Variants in CR1 observed in about 807,000 individuals in gnomAD.
CR1 encodes the protein complement C3b/C4b receptor 1 (Knops blood group).
CR1 carries 116 observed loss-of-function variants against 187.3 expected under a neutral mutation model. The ratio of observed to expected loss-of-function variants is 0.62; its 90% CI spans 0.53 to 0.72. CR1 has a LOEUF of 0.72. Among genes scored for constraint, CR1 ranks in the 30% least tolerant of loss-of-function variants. The probability of loss-of-function intolerance (pLI) is 0.00; values close to 1 mark genes in which losing one functional copy is unlikely to be tolerated. For missense variants in CR1, 1,731 were observed against 2,110.7 expected, an observed-to-expected ratio of 0.82 and a Z score of 3.52; for synonymous variants, 576 against 747.1, an observed-to-expected ratio of 0.77 and a Z score of 3.73.
rs1283818647 is a variant in CR1 at position 207,580,345 on chromosome 1, A to G, written c.5042A>G (p.Asp1681Gly). The change falls in exon 30 of 47, where the codon GAC becomes GGC. Residue 1681 changes from aspartate to glycine, a missense_variant. Transcript: ENST00000367049. ...TTCTACAGCTGTGAGCCTGGCTATGACCTCAGAGGGGCTGCGTCTCTGCAC... is the reference window on the plus strand; with the variant it reads ...TTCTACAGCTGTGAGCCTGGCTATGGCCTCAGAGGGGCTGCGTCTCTGCAC... The part of the protein sequence containing the change: ...EVFYSCEPGY[D>G]LRGAASLHCT... 6.2e-7 allele frequency: 1 copy of G among 1,613,840 alleles called. No homozygotes were observed. Among genetic ancestry groups the G allele is most frequent in the African/African-American group, 1.3e-5 (1 of 74,992 alleles).
At chr1:207,575,871 CTTA>C (rs754659166) in intron 28 of CR1, among the ~76,000 whole-genome samples, 191 bp downstream of exon 28, 10 of 150,392 alleles carry the variant, frequency 6.6e-5, no homozygotes, top group Admixed American at 1.3e-4. Flanking sequence ...TTTTTTTTTT[CTTA>C]TCTCAGTCTA....
intron 46 of CR1, among the ~76,000 whole-genome samples, chr1:207,631,317 T>G (rs1477574110): frequency 6.6e-6 from 1 of 152,158 alleles, no homozygotes; most frequent in African/African-American, 2.4e-5. Context: ...GTGAGCCAAA[T>G]CCAGCTGGCC....
intron 34 of CR1, among the ~76,000 whole-genome samples, chr1:207,587,851 C>T (rs11118131): frequency 0.2 from 30,696 of 152,254 alleles, 3,353 homozygotes; most frequent in South Asian, 0.44. Context: ...TGGTCTTGTA[C>T]ATCACCCCTT....
rs751978101 is a variant in CR1 at position 207,609,585 on chromosome 1, C to A, written c.6192C>A (p.Ile2064=). The A allele has an allele frequency of 2.5e-5, 40 of 1,613,292 alleles. No homozygotes were observed. In the Admixed American group the frequency reaches 3.3e-4, roughly 13 times the overall value. The change falls in exon 37 of 47, where the codon ATC becomes ATA. Residue 2064 remains isoleucine, a synonymous_variant. Transcript: ENST00000367049. ...GNRSFFTLTE[I]IRFRCQPGFV... ...GGAGTTTCTTTACCCTCACTGAGATCATCAGATTTAGATGTCAGCCCGGGT... is the reference window on the plus strand; with the variant it reads ...GGAGTTTCTTTACCCTCACTGAGATAATCAGATTTAGATGTCAGCCCGGGT...
intron 27 of CR1, among the ~76,000 whole-genome samples, chr1:207,573,601 C>T (rs1660644429): frequency 6.6e-6 from 1 of 151,804 alleles, no homozygotes. Flanking sequence ...ACCAGGGAAA[C>T]TTTCAGAACA....
At chr1:207,507,824 T>C (rs1659490946) in intron 3 of CR1, among the ~76,000 whole-genome samples, 2 of 151,922 alleles carry the variant, frequency 1.3e-5, no homozygotes, top group African/African-American at 4.8e-5. Flanking sequence ...AAAAAAGAAA[T>C]CTGCACACAG....
At chr1:207,578,908 G>A (rs535928217) in intron 29 of CR1, among the ~76,000 whole-genome samples, 63 of 152,276 alleles carry the variant, frequency 4.1e-4, no homozygotes, top group Non-Finnish European at 7.8e-4. Flanking sequence ...CCACTCTGTT[G>A]CCCAGGCTGA....
intron 4 of CR1, among the ~76,000 whole-genome samples, chr1:207,512,637 G>A (rs1030238311): frequency 7.2e-5 from 11 of 152,132 alleles, no homozygotes; most frequent in Non-Finnish European, 1.2e-4. Context: ...CAGAATCTAA[G>A]TTTACAAATG....
At position 207,612,043 on chromosome 1, in the gene CR1, T is replaced by A. The variant is rs776481474; in HGVS notation, c.6575+2T>A. ...GGTGTCCTTTGTTTGCGATGAAGGGTGAGTGTGACCCAGCGTTGAGACCAA... is the reference window on the plus strand; with the variant it reads ...GGTGTCCTTTGTTTGCGATGAAGGGAGAGTGTGACCCAGCGTTGAGACCAA... On this transcript the variant is annotated splice_donor_variant, in intron 39 of 46. Transcript: ENST00000367049. LOFTEE classifies it high-confidence loss of function. 2 of 1,613,766 alleles carry A rather than the reference T, an allele frequency of 1.2e-6. No homozygotes were observed. The highest frequency in any genetic ancestry group is 1.7e-6 in the Non-Finnish European group (2 of 1,179,656).
chr1:207,512,041 C>T (rs934017762), intron 4 of CR1, among the ~76,000 whole-genome samples: 14 of 150,392 alleles, frequency 9.3e-5, no homozygotes, highest in South Asian at 4.2e-4. Flanking sequence ...TCATGTACCA[C>T]GAGATCAACA....
At chr1:207,638,256 C>T (rs1662876189) in intron 46 of CR1, among the ~76,000 whole-genome samples, 1 of 152,162 alleles carries the variant, frequency 6.6e-6, no homozygotes, top group Admixed American at 6.5e-5. Context: ...ACTACAGTAT[C>T]CTGGTCCATT....
chr1:207,574,285 G>C (rs1393187665), intron 27 of CR1, among the ~76,000 whole-genome samples: 1 of 152,162 alleles, frequency 6.6e-6, no homozygotes, highest in African/African-American at 2.4e-5. Flanking sequence ...TCTGATTCCA[G>C]AAATAAAATG....
chr1:207,624,885 A>T (rs888619465), intron 45 of CR1, among the ~76,000 whole-genome samples: 3 of 152,166 alleles, frequency 2.0e-5, no homozygotes, highest in Admixed American at 6.5e-5. Flanking sequence ...CTGTATCTAT[A>T]TCAGTCTCTA....
chr1:207,597,081 C>A (rs992658126), intron 35 of CR1, among the ~76,000 whole-genome samples: 3 of 146,646 alleles, frequency 2.0e-5, no homozygotes, highest in East Asian at 2.0e-4. Context: ...ACATGATATA[C>A]AATATTTAAA....
intron 31 of CR1, 101 bp from the exon 32 acceptor site, chr1:207,581,817 T>C (rs1660964189): frequency 2.6e-6 from 2 of 780,204 alleles, no homozygotes. Flanking sequence ...AGCAGTAAAA[T>C]GTTAATTAAC....
rs565054506 is a variant in CR1, at chr1:207,526,056, G to A, written c.887-697G>A. On this transcript the variant is annotated intron_variant, in intron 5 of 46. Coordinates refer to ENST00000367049, the MANE Select transcript of CR1 (RefSeq NM_000651.6). ...AATCAACTATATTAAGAGAGAGCCA[G>A]CGCTGCCCTTACAATATGTTGCGTA... 2.6e-5 allele frequency among the ~76,000 whole-genome samples: 4 copies of A among 152,224 alleles called. 1 individual carries two copies. In the South Asian group the frequency reaches 8.3e-4, roughly 32 times the overall value.
Position 207,616,638 on chromosome 1 carries a change from A to G in CR1, c.6725A>G (p.Asp2242Gly), listed in dbSNP as rs765817364. The G allele has an allele frequency of 5.6e-6, 9 of 1,613,790 alleles. No individual in the cohort carries two copies. Among genetic ancestry groups the G allele is most frequent in the Non-Finnish European group, 7.6e-6 (9 of 1,179,728 alleles). ...NGRHTGTPFG[D>G]IPYGKEISYA... Reference sequence around the variant, plus strand: ...AGACACACAGGAACTCCCTTTGGAGATATTCCCTATGGAAAAGAAATATCT... The same window carrying G: ...AGACACACAGGAACTCCCTTTGGAGGTATTCCCTATGGAAAAGAAATATCT... Residue 2242 changes from aspartate to glycine, a missense_variant, in exon 41 of 47, where the codon GAT (aspartate) becomes GGT (glycine). By Grantham distance (94) the Asp-to-Gly change is moderately conservative. Transcript: ENST00000367049.
Position 207,588,669 on chromosome 1 carries a change from C to T in CR1, c.5711-6C>T, listed in dbSNP as rs1239424162. 1.9e-6 allele frequency: 3 copies of T among 1,602,708 alleles called. No individual in the cohort carries two copies. Among genetic ancestry groups the T allele is most frequent in the South Asian group, 1.1e-5 (1 of 90,412 alleles). ...ATTTAATCCCAAATTCTGCTTCTTC[C>T]CCTAGGAAAATCATGTGGACCTCCA... On this transcript the variant is annotated splice_region_variant and splice_polypyrimidine_tract_variant and intron_variant, in intron 34 of 46. Coordinates refer to ENST00000367049, the MANE Select transcript of CR1 (RefSeq NM_000651.6).
chr1:207,524,464 A>T lies in CR1; in HGVS notation c.886+455A>T, dbSNP rs74151083. 7.9e-3 allele frequency among the ~76,000 whole-genome samples: 1,197 copies of T among 151,602 alleles called. 30 individuals carry two copies. Among genetic ancestry groups the T allele is most frequent in the African/African-American group, 0.027 (1,125 of 41,196 alleles). On this transcript the variant is annotated intron_variant, in intron 5 of 46. Transcript: ENST00000367049. ...TGTGGTGCCATCATGACTTACTTCA[A>T]CCTCCGCCTCTCTGGCTCAAGCAAG... is the stretch of plus-strand genomic sequence containing the variant.
Sources: allele counts gnomAD v4.1 joint callset (sites outside exome capture counted in the v4.1 genomes callset), GRCh38; gene constraint gnomAD v4.1.1; transcripts MANE v1.5; gene names NCBI Gene and HGNC (gene_info 2026-07-23, HGNC 2026-07-21).